FANCA: variants seen among roughly 807,000 people sequenced by gnomAD.
The protein encoded by FANCA is Fanconi anemia group A protein.
In FANCA, 236 loss-of-function variants were observed where a neutral mutation model predicts 194.3. The ratio of observed to expected loss-of-function variants is 1.21; its 90% confidence interval spans 1.09 to 1.35. The LOEUF is 1.35. FANCA is among the 40% of genes most tolerant of loss of function. The probability of loss-of-function intolerance (pLI) is 0.00; values close to 1 mark genes in which losing one functional copy is unlikely to be tolerated. For synonymous variants in FANCA, 1,014 were observed against 715.8 expected, an observed-to-expected ratio of 1.42 and a Z score of -6.65; for missense variants, 2,628 against 1,813.9, an observed-to-expected ratio of 1.45 and a Z score of -8.15.
At chr16:89,751,484 AATT>A (rs1384293487) in intron 31 of FANCA, among the ~76,000 whole-genome samples, 1 of 152,110 alleles carries the variant, frequency 6.6e-6, no homozygotes, top group East Asian at 1.9e-4. Context: ...TAATAATAAT[AATT>A]ATGATTACAA....
chr16:89,807,469 G>C (rs779870476), intron 6 of FANCA, among the ~76,000 whole-genome samples: 1 of 151,722 alleles, frequency 6.6e-6, no homozygotes, highest in Non-Finnish European at 1.5e-5. Flanking sequence ...AAAAAAAAAG[G>C]CCGCGCGAGG....
At chr16:89,764,061 G>A (rs1402325356) in intron 28 of FANCA, among the ~76,000 whole-genome samples, 2 of 151,820 alleles carry the variant, frequency 1.3e-5, no homozygotes, top group Non-Finnish European at 2.9e-5. Context: ...GGACAACATG[G>A]TGAAACCCCG....
In FANCA at chr16:89,764,359, G is replaced by C. The variant is rs986689251; in HGVS notation, c.2778+531C>G. ...TTGCTGTGTCATCCTGGCTGGAATA[G>C]AGTGGCGTGATCTTGGCTCACTGCA... On this transcript the variant is annotated intron_variant, in intron 28 of 42. Coordinates refer to ENST00000389301, the MANE Select transcript of FANCA (RefSeq NM_000135.4). Among the ~76,000 whole-genome samples the C allele has an allele frequency of 3.3e-5, 5 of 152,144 alleles. No individual in the cohort carries two copies. In the South Asian group the frequency reaches 6.2e-4, roughly 19 times the overall value.
chr16:89,815,335 CTTTTTTTTTTTT>C (rs562815235), intron 2 of FANCA, among the ~76,000 whole-genome samples: 17 of 66,538 alleles, frequency 2.6e-4, no homozygotes, highest in South Asian at 9.0e-4. Context: ...CCACGCCCGG[CTTTTTTTTTTTT>C]TTTTTTTTTT....
chr16:89,738,435 C>A lies in FANCA; in HGVS notation c.*166G>T. The A allele has an allele frequency of 7.3e-7, 1 of 1,378,470 alleles. No individual in the cohort carries two copies. 85.4% of individuals were successfully genotyped at this position (1,378,470 alleles called of 1,614,324 possible). A position where few individuals can be genotyped will look rare whatever the true frequency, so the allele number is the denominator to read the frequency against. On this transcript the variant is annotated 3_prime_UTR_variant, in exon 43 of 43. Transcript: ENST00000389301. ...GACCAGTGGTTTATTTTCCCGCAAA[C>A]GCTGAGTGACTCGGGGCCGGACAGT...
At chr16:89,798,014 T>TA (rs1259476973) in intron 10 of FANCA, among the ~76,000 whole-genome samples, 12 of 152,064 alleles carry the variant, frequency 7.9e-5, no homozygotes, top group South Asian at 6.2e-4. Context: ...ACACAGATTA[T>TA]AAAAAAAAGC....
intron 30 of FANCA, among the ~76,000 whole-genome samples, chr16:89,755,464 C>G (rs1160766267): frequency 6.6e-6 from 1 of 152,142 alleles, no homozygotes; most frequent in Non-Finnish European, 1.5e-5. Flanking sequence ...CTCAGCCTCC[C>G]AAAGTGCTGG....
chr16:89,774,722 T>C (rs527676070), intron 21 of FANCA, among the ~76,000 whole-genome samples: 315 of 27,092 alleles, frequency 0.012, 10 homozygotes, highest in Non-Finnish European at 0.01. Context: ...AGAGCGAGAC[T>C]CTGTCTCAAA....
At chr16:89,742,725 C>G in intron 37 of FANCA, 75 bp downstream of exon 37, 4 of 1,412,648 alleles carry the variant, frequency 2.8e-6, no homozygotes, top group East Asian at 2.7e-5. Context: ...GTTCATCAGA[C>G]AAGCCCAGAG....
chr16:89,799,490 G>T, intron 9 of FANCA, 115 bp downstream of exon 9: 1 of 1,117,072 alleles, frequency 9.0e-7, no homozygotes, highest in Non-Finnish European at 1.4e-6. Flanking sequence ...CCAGGACTCT[G>T]CACAGTGAAA....
intron 8 of FANCA, among the ~76,000 whole-genome samples, chr16:89,802,539 C>G (rs924323367): frequency 7.2e-5 from 11 of 152,156 alleles, no homozygotes; most frequent in African/African-American, 2.7e-4. Context: ...GTGGCTGGGT[C>G]CACAGGTGCC....
rs1800359 is a variant in FANCA at position 89,738,853 on chromosome 16, A to C, written c.4260+29T>G. On this transcript the variant is annotated intron_variant, in intron 42 of 42. Transcript: ENST00000389301. Reference sequence around the variant, plus strand: ...AGCTGTCAATTCTCATGTCCCCCACATGGCCCAAGGTGGGCATCTTGACGT... The same window carrying C: ...AGCTGTCAATTCTCATGTCCCCCACCTGGCCCAAGGTGGGCATCTTGACGT... 49 of 1,613,940 alleles carry C rather than the reference A, an allele frequency of 3.0e-5. No individual in the cohort carries two copies. Among genetic ancestry groups the C allele is most frequent in the Non-Finnish European group, 3.8e-5 (45 of 1,179,954 alleles).
At chr16:89,793,613 T>C (rs748470901) in intron 11 of FANCA, among the ~76,000 whole-genome samples, 1 of 152,162 alleles carries the variant, frequency 6.6e-6, no homozygotes, top group Non-Finnish European at 1.5e-5. Context: ...GTTTTGTTTT[T>C]GGACAGGGTC....
intron 37 of FANCA, among the ~76,000 whole-genome samples, chr16:89,741,938 G>A (rs1421453296): frequency 1.3e-5 from 2 of 152,002 alleles, no homozygotes; most frequent in African/African-American, 2.4e-5. Context: ...AACACAGTGA[G>A]ACCCCCATCT....
intron 23 of FANCA, among the ~76,000 whole-genome samples, chr16:89,770,843 C>T (rs2039299752): frequency 6.6e-6 from 1 of 152,150 alleles, no homozygotes; most frequent in African/African-American, 2.4e-5. Context: ...AAGTAATCGC[C>T]AATCACAAAA....
chr16:89,790,990 T>C, intron 14 of FANCA: 1 of 259,272 alleles, frequency 3.9e-6, no homozygotes, highest in Non-Finnish European at 7.5e-6. Flanking sequence ...CCACCACACC[T>C]GCGTAGTTTT....
intron 6 of FANCA, among the ~76,000 whole-genome samples, chr16:89,807,687 A>G (rs1158487426): frequency 1.3e-5 from 2 of 151,832 alleles, no homozygotes; most frequent in Non-Finnish European, 2.9e-5. Context: ...GATGGAGCCC[A>G]TCCTGGCTAA....
chr16:89,801,370 C>A (rs983193347), intron 8 of FANCA, among the ~76,000 whole-genome samples: 1 of 147,432 alleles, frequency 6.8e-6, no homozygotes, highest in Admixed American at 6.7e-5. Flanking sequence ...AAGCCAATGT[C>A]ACTAATCATC....
At chr16:89,745,817 A>G in intron 35 of FANCA, among the ~76,000 whole-genome samples, 1 of 152,038 alleles carries the variant, frequency 6.6e-6, no homozygotes, top group Non-Finnish European at 1.5e-5. Flanking sequence ...GAAACAGTGA[A>G]GAGACCACAC....
Sources: allele counts gnomAD v4.1 joint callset (sites outside exome capture counted in the v4.1 genomes callset), GRCh38; gene constraint gnomAD v4.1.1; transcripts MANE v1.5; gene names NCBI Gene and HGNC (gene_info 2026-07-23, HGNC 2026-07-21).